The following SH3GL3 variants were observed in gnomAD, a reference collection of about 807,000 sequenced individuals.
SH3GL3 encodes SH3 domain containing GRB2 like 3, endophilin A3.
A neutral mutation model predicts 47.7 loss-of-function variants in SH3GL3; 33 were observed. The observed-to-expected ratio is 0.69, with a 90% CI of 0.52 to 0.92. The LOEUF is 0.92. Ranked by LOEUF, SH3GL3 falls within the 40% of genes least tolerant of loss-of-function variation. SH3GL3 has a pLI of 0.00. For synonymous variants in SH3GL3, 155 were observed against 148.8 expected (o/e 1.04, Z -0.30); for missense variants, 363 against 417.8 (o/e 0.87, Z 1.14).
intron 1 of SH3GL3, among the ~76,000 whole-genome samples, chr15:83,461,851 A>G (rs2040315253): frequency 6.6e-6 from 1 of 152,164 alleles, no homozygotes; most frequent in Non-Finnish European, 1.5e-5. Flanking sequence ...GTAAATACTC[A>G]GGACAAATCT....
At chr15:83,471,585 CT>C (rs1263474261) in intron 1 of SH3GL3, among the ~76,000 whole-genome samples, 3 of 152,216 alleles carry the variant, frequency 2.0e-5, no homozygotes, top group Non-Finnish European at 4.4e-5. Context: ...GATTTCATGA[CT>C]TTGCTTCTGT....
the SH3GL3 span, among the ~76,000 whole-genome samples, chr15:83,627,118 T>C: frequency 0.021 from 3,266 of 152,120 alleles, 34 homozygotes; most frequent in Admixed American, 0.032. Context: ...GAAAAGGGGC[T>C]GGGCGCGGTG....
chr15:83,539,282 C>T (rs1416323830), intron 1 of SH3GL3, among the ~76,000 whole-genome samples: 1 of 152,152 alleles, frequency 6.6e-6, no homozygotes, highest in Non-Finnish European at 1.5e-5. Flanking sequence ...GATCTGGTGT[C>T]TGATAAGGGC....
chr15:83,579,698 G>C (rs3794521), intron 6 of SH3GL3, among the ~76,000 whole-genome samples: 23,080 of 152,170 alleles, frequency 0.15, 1,877 homozygotes, highest in East Asian at 0.27. Context: ...GATGGTCCCT[G>C]TCATGGTGCA....
Position 83,576,653 on chromosome 15 carries a change from C to T in SH3GL3, c.536C>T (p.Pro179Leu), listed in dbSNP as rs1002916092. 19 of 1,613,548 alleles carry T rather than the reference C, an allele frequency of 1.2e-5. No individual in the cohort carries two copies. The highest frequency in any genetic ancestry group is 1.4e-5 in the Non-Finnish European group (17 of 1,179,638). The change falls in exon 6 of 9, where the codon CCA becomes CTA. Residue 179 changes from proline to leucine, a missense_variant. Physicochemically the swap from Pro to Leu is moderately conservative, Grantham distance 98. Coordinates refer to ENST00000427482, the MANE Select transcript of SH3GL3 (RefSeq NM_003027.5). ...AAAAAGAAACGAGTAGGTAAGATACCAGACGAAGAAGTCAGACAAGCGGTA... is the reference window on the plus strand; with the variant it reads ...AAAAAGAAACGAGTAGGTAAGATACTAGACGAAGAAGTCAGACAAGCGGTA... ...DYKKKRVGKI[P>L]DEEVRQAVEK...
chr15:83,586,369 G>C (rs1280730030), intron 6 of SH3GL3, among the ~76,000 whole-genome samples: 1 of 152,120 alleles, frequency 6.6e-6, no homozygotes, highest in Non-Finnish European at 1.5e-5. Flanking sequence ...TGATTTGTGG[G>C]AAACAGAGAT....
intron 8 of SH3GL3, among the ~76,000 whole-genome samples, chr15:83,612,721 C>T (rs1441956502): frequency 6.6e-6 from 1 of 152,186 alleles, no homozygotes; most frequent in Non-Finnish European, 1.5e-5. Context: ...CCCTTCCCTG[C>T]TTCCCTGCCT....
rs71156085 is a variant in SH3GL3, at chr15:83,541,312, A to ATTTTTTTTTTTTTTTTTTT, written c.46-17920_46-17902dup. On this transcript the variant is annotated intron_variant, in intron 1 of 8. Transcript: ENST00000427482. ...GATGGCTGGATCATATGGTAATTCT[A>ATTTTTTTTTTTTTTTTTTT]TTTTTTTTTTTTTTTTTTTTTTTTT... 6.3e-5 allele frequency among the ~76,000 whole-genome samples: 3 copies of ATTTTTTTTTTTTTTTTTTT among 47,366 alleles called. 1 individual carries two copies. The highest frequency in any genetic ancestry group is 8.3e-5 in the Non-Finnish European group (2 of 24,122). The allele number at this position is 47,366 out of a possible 152,430, so 31.1% of individuals were successfully genotyped here.
At chr15:83,571,190 A>G (rs1188252984) in intron 4 of SH3GL3, among the ~76,000 whole-genome samples, 5 of 152,238 alleles carry the variant, frequency 3.3e-5, no homozygotes, top group Non-Finnish European at 5.9e-5. Flanking sequence ...CGCCAGTCTC[A>G]GGCAAGGAGA....
chr15:83,491,529 TA>T (rs1277048245), intron 1 of SH3GL3, among the ~76,000 whole-genome samples: 1 of 152,224 alleles, frequency 6.6e-6, no homozygotes, highest in East Asian at 1.9e-4. Flanking sequence ...TCGTGGTAGC[TA>T]AAGTGTAAAT....
At chr15:83,505,400 C>A (rs973812417) in intron 1 of SH3GL3, among the ~76,000 whole-genome samples, 5 of 151,674 alleles carry the variant, frequency 3.3e-5, no homozygotes, top group Non-Finnish European at 7.4e-5. Flanking sequence ...TATTATTGGT[C>A]TTTCTGATTT....
At chr15:83,466,449 T>C (rs2040573351) in intron 1 of SH3GL3, among the ~76,000 whole-genome samples, 1 of 152,038 alleles carries the variant, frequency 6.6e-6, no homozygotes, top group East Asian at 1.9e-4. Flanking sequence ...CATGCTAGGC[T>C]AAGGGAACAG....
At chr15:83,523,432 G>A (rs1405996369) in intron 1 of SH3GL3, among the ~76,000 whole-genome samples, 1 of 152,170 alleles carries the variant, frequency 6.6e-6, no homozygotes, top group Non-Finnish European at 1.5e-5. Context: ...AGACCAAGAA[G>A]GGGCTGAACG....
chr15:83,604,101 G>A (rs747291032), intron 8 of SH3GL3, among the ~76,000 whole-genome samples: 2 of 151,898 alleles, frequency 1.3e-5, no homozygotes, highest in African/African-American at 2.4e-5. Context: ...AGCCGAGATC[G>A]CACCATTGCA....
chr15:83,629,697 A>G, the SH3GL3 span, among the ~76,000 whole-genome samples: 15 of 152,132 alleles, frequency 9.9e-5, no homozygotes, highest in African/African-American at 3.4e-4. Context: ...GCATGCACCT[A>G]TAGTACTAGC....
intron 1 of SH3GL3, among the ~76,000 whole-genome samples, chr15:83,557,915 T>C (rs1170637365): frequency 6.6e-6 from 1 of 152,196 alleles, no homozygotes; most frequent in Non-Finnish European, 1.5e-5. Context: ...TTTGTAGTCT[T>C]CTGTATCTGT....
chr15:83,568,376 A>G (rs1463850846), intron 3 of SH3GL3, among the ~76,000 whole-genome samples, 153 bp from the exon 4 acceptor site: 2 of 152,120 alleles, frequency 1.3e-5, no homozygotes, highest in Non-Finnish European at 2.9e-5. Flanking sequence ...TACCTGAGAA[A>G]ATTAAATAGT....
intron 1 of SH3GL3, among the ~76,000 whole-genome samples, chr15:83,491,139 C>G (rs2041856235): frequency 6.6e-6 from 1 of 152,146 alleles, no homozygotes; most frequent in African/African-American, 2.4e-5. Context: ...CATTAGAAGT[C>G]CTTATGTGTG....
chr15:83,607,840 AAATAATAATAATAATAAT>A (rs60113695), intron 8 of SH3GL3, among the ~76,000 whole-genome samples: 29 of 142,940 alleles, frequency 2.0e-4, no homozygotes, highest in African/African-American at 6.1e-4. Context: ...TCAGAGTGGC[AAATAATAATAATAATAAT>A]AATAATAATA....
Sources: gnomAD v4.1 joint callset for allele counts (sites outside exome capture counted in the v4.1 genomes callset) on GRCh38, gnomAD v4.1.1 for gene constraint, MANE v1.5 for transcripts, NCBI Gene and HGNC (gene_info 2026-07-23, HGNC 2026-07-21) for gene names.